Variants in TNC observed in about 807,000 individuals in gnomAD.
The protein encoded by TNC is tenascin.
In TNC, 109 loss-of-function variants were observed where a neutral mutation model predicts 202.4. That is an observed-to-expected ratio of 0.54 (90% CI 0.46 to 0.63). The LOEUF is 0.63. Ranked by LOEUF, TNC falls within the 30% of genes least tolerant of loss-of-function variation. The probability of loss-of-function intolerance (pLI) is 0.00; values close to 1 mark genes in which losing one functional copy is unlikely to be tolerated. For synonymous variants in TNC, 1,007 were observed against 1,089.7 expected (o/e 0.92, Z 1.50); for missense variants, 2,756 against 2,833.3 (o/e 0.97, Z 0.62).
rs1829006579 is a variant in TNC, at chr9:115,020,757, A to G, written c.*400T>C. ...GGGATGGCTTCCAATGACACATTTA[A>G]TCTTTGCTAACAAAAATAATGACAA... On this transcript the variant is annotated 3_prime_UTR_variant, in exon 28 of 28. Coordinates refer to ENST00000350763, the MANE Select transcript of TNC (RefSeq NM_002160.4). The G allele has an allele frequency of 1.1e-5, 3 of 262,536 alleles. No individual in the cohort carries two copies. The Admixed American group carries it at 1.4e-4, about 12-fold the overall frequency. The allele number at this position is 262,536 out of a possible 1,614,324, so 16.3% of individuals were successfully genotyped here.
intron 1 of TNC, among the ~76,000 whole-genome samples, chr9:115,111,944 C>T (rs1015475888): frequency 2.6e-5 from 4 of 152,146 alleles, no homozygotes; most frequent in Non-Finnish European, 5.9e-5. Context: ...AGACAATAAC[C>T]TCATGAGAGA....
chr9:115,111,657 C>T (rs1042251144), intron 1 of TNC, among the ~76,000 whole-genome samples: 9 of 151,936 alleles, frequency 5.9e-5, no homozygotes, highest in Non-Finnish European at 8.8e-5. Context: ...GTGATCCACC[C>T]GCCTCGGGCT....
At chr9:115,108,477 C>A (rs1407445985) in intron 1 of TNC, among the ~76,000 whole-genome samples, 1 of 152,170 alleles carries the variant, frequency 6.6e-6, no homozygotes, top group Non-Finnish European at 1.5e-5. Flanking sequence ...TCATTTCATT[C>A]AGACATCTGC....
chr9:115,031,748 A>G, intron 22 of TNC, 63 bp from the exon 23 acceptor site: 2 of 1,569,108 alleles, frequency 1.3e-6, no homozygotes, highest in Non-Finnish European at 1.7e-6. Context: ...TATAGATAAG[A>G]AGTCATTCTA....
At chr9:115,074,586 C>T (rs562939713) in intron 9 of TNC, among the ~76,000 whole-genome samples, 2 of 152,268 alleles carry the variant, frequency 1.3e-5, no homozygotes, top group East Asian at 3.9e-4. Flanking sequence ...GTGTAGGATC[C>T]CATTTATGCA....
intron 1 of TNC, among the ~76,000 whole-genome samples, chr9:115,093,566 T>C (rs1835388949): frequency 2.0e-5 from 3 of 152,098 alleles, no homozygotes; most frequent in Admixed American, 2.0e-4. Context: ...CTGCTCTAAC[T>C]CTCTTCACCT....
chr9:115,075,829 C>T (rs1361796896), intron 9 of TNC, among the ~76,000 whole-genome samples: 1 of 152,174 alleles, frequency 6.6e-6, no homozygotes, highest in Admixed American at 6.5e-5. Context: ...TCCCCTTTTC[C>T]ATACAGGGGA....
intron 1 of TNC, among the ~76,000 whole-genome samples, chr9:115,109,588 A>T (rs1836882595): frequency 6.6e-6 from 1 of 152,198 alleles, no homozygotes; most frequent in African/African-American, 2.4e-5. Flanking sequence ...AATCTTTGTT[A>T]TAACCTCCAG....
Position 115,046,547 on chromosome 9 carries a change from G to A in TNC, c.4988C>T (p.Pro1663Leu), listed in dbSNP as rs1214082520. Reference protein sequence around the residue: ...KIRDTKKQSEPLEITLLAPER... With the variant: ...KIRDTKKQSELLEITLLAPER... ...GGGGGCAAGTAGGGTTATTTCCAGT[G>A]GCTCAGACTGCTTTTTGGTATCTCT... Residue 1663 changes from proline to leucine, a missense_variant, in exon 17 of 28, where the codon CCA (proline) becomes CTA (leucine). Coordinates refer to ENST00000350763, the MANE Select transcript of TNC (RefSeq NM_002160.4). 1 of 1,614,102 alleles carries A rather than the reference G, an allele frequency of 6.2e-7. No homozygotes were observed. Among genetic ancestry groups the A allele is most frequent in the East Asian group, 2.2e-5 (1 of 44,878 alleles).
intron 27 of TNC, among the ~76,000 whole-genome samples, chr9:115,022,026 G>T (rs113259033): frequency 2.0e-5 from 3 of 152,198 alleles, no homozygotes; most frequent in African/African-American, 7.2e-5. Context: ...AGAAAAAACT[G>T]TATCTGTGTC....
chr9:115,098,124 G>A (rs1835934096), intron 1 of TNC, among the ~76,000 whole-genome samples: 1 of 152,184 alleles, frequency 6.6e-6, no homozygotes, highest in African/African-American at 2.4e-5. Flanking sequence ...GGTGGAAGAA[G>A]GGTTAAATGT....
chr9:115,086,953 G>C lies in TNC; in HGVS notation c.778C>G (p.His260Asp). Residue 260 changes from histidine to aspartate, a missense_variant, in exon 3 of 28, where the codon CAC (histidine) becomes GAC (aspartate). Physicochemically the swap from His to Asp is moderately conservative, Grantham distance 81 (BLOSUM62 -1). This residue lies in a region of TNC where 2,559 missense variants were observed against 2,546.0 expected (regional missense o/e 1.01). Coordinates refer to ENST00000350763, the MANE Select transcript of TNC (RefSeq NM_002160.4). ...CACAAGCCATCTACACATGTGCCGT[G>C]CTCCTCACTGCAGGGCACTGGGCAG... ...EICPVPCSEEHGTCVDGLCVC... is the reference protein window; with the variant it reads ...EICPVPCSEEDGTCVDGLCVC... 1 of 1,614,194 alleles carries C rather than the reference G, an allele frequency of 6.2e-7. No individual in the cohort carries two copies. The highest frequency in any genetic ancestry group is 8.5e-7 in the Non-Finnish European group (1 of 1,180,050).
chr9:115,072,608 C>T (rs1461813199), intron 10 of TNC, among the ~76,000 whole-genome samples: 4 of 152,182 alleles, frequency 2.6e-5, no homozygotes, highest in Non-Finnish European at 5.9e-5. Flanking sequence ...TTGGATCACT[C>T]TTTTTCTCGA....
At chr9:115,073,129 A>T (rs1437878030) in intron 10 of TNC, among the ~76,000 whole-genome samples, 1 of 152,256 alleles carries the variant, frequency 6.6e-6, no homozygotes. Flanking sequence ...TAACCTTGGC[A>T]GAAAGCAAAA....
chr9:115,077,918 CT>C (rs749325779), intron 7 of TNC, 24 bp downstream of exon 7: 63 of 1,606,468 alleles, frequency 3.9e-5, no homozygotes, highest in Non-Finnish European at 4.3e-6. Context: ...TTTACTATAT[CT>C]GTTAACAGGG....
At chr9:115,057,723 C>T (rs1445902446) in intron 14 of TNC, among the ~76,000 whole-genome samples, 4 of 152,248 alleles carry the variant, frequency 2.6e-5, no homozygotes, top group Non-Finnish European at 5.9e-5. Context: ...GGAACTGTTG[C>T]ATCTTAACCA....
Position 115,048,487 on chromosome 9 carries a change from G to A in TNC, c.4625C>T (p.Pro1542Leu), listed in dbSNP as rs748537219. 6.2e-7 allele frequency: 1 copy of A among 1,613,888 alleles called. No individual in the cohort carries two copies. Among genetic ancestry groups the A allele is most frequent in the Admixed American group, 1.7e-5 (1 of 59,968 alleles). The change falls in exon 16 of 28, where the codon CCC becomes CTC. Residue 1542 changes from proline to leucine, a missense_variant. Pro to Leu is a moderately conservative substitution (Grantham distance 98). This residue lies in a region of TNC where 2,559 missense variants were observed against 2,546.0 expected (regional missense o/e 1.01). Transcript: ENST00000350763. ...CATCCAGGAAACTGTGAACCCGTAG[G>A]GATTAATGTCGGAAATGGTTAGGTT... ...LENLTISDIN[P>L]YGFTVSWMAS...
intron 6 of TNC, among the ~76,000 whole-genome samples, chr9:115,080,380 T>A (rs1356595716): frequency 6.6e-6 from 1 of 152,148 alleles, no homozygotes; most frequent in African/African-American, 2.4e-5. Flanking sequence ...GGTGTCAGGA[T>A]GATGGAAAAC....
intron 15 of TNC, among the ~76,000 whole-genome samples, 187 bp from the exon 16 acceptor site, chr9:115,048,719 A>G (rs535909362): frequency 2.0e-5 from 3 of 152,342 alleles, no homozygotes; most frequent in East Asian, 1.9e-4. Context: ...AATTCTCTTA[A>G]TAGCCCATGA....
Sources: gnomAD v4.1 joint callset for allele counts (sites outside exome capture counted in the v4.1 genomes callset) on GRCh38, gnomAD v4.1.1 for gene constraint, gnomAD v4.1.1 regional missense constraint, MANE v1.5 for transcripts, NCBI Gene and HGNC (gene_info 2026-07-23, HGNC 2026-07-21) for gene names.